The following ZNF229 variants were observed in gnomAD, a reference collection of about 807,000 sequenced individuals.
ZNF229 encodes the protein zinc finger protein 229.
Under a neutral mutation model 11.8 loss-of-function variants are expected in ZNF229, and 10 were observed. The observed-to-expected ratio is 0.85, with a 90% CI of 0.52 to 1.44. The LOEUF is 1.44. ZNF229 is among the 40% of genes most tolerant of loss of function. ZNF229 has a pLI of 0.00. For synonymous variants in ZNF229, 368 were observed against 374.8 expected, an observed-to-expected ratio of 0.98 and a Z score of 0.21; for missense variants, 1,045 against 1,015.1, an observed-to-expected ratio of 1.03 and a Z score of -0.40.
At chr19:44,435,972 A>G (rs1276896557) in intron 4 of ZNF229, among the ~76,000 whole-genome samples, 1 of 152,148 alleles carries the variant, frequency 6.6e-6, no homozygotes, top group Admixed American at 6.5e-5. Flanking sequence ...ACAAATAAAC[A>G]CTGAAGGGTA....
rs190344088 is a variant in ZNF229 at position 44,432,746 on chromosome 19, C to T, written c.94-380G>A. The stretch of plus-strand genomic sequence containing the variant: ...AGGAGATATACCTAATGCTAAATGA[C>T]GAGGTAATGGGTGCAGCACACCAAC... On this transcript the variant is annotated intron_variant, in intron 4 of 5. Transcript: ENST00000614049. Among the ~76,000 whole-genome samples, 71 of 151,770 alleles carry T rather than the reference C, an allele frequency of 4.7e-4. No homozygotes were observed. The East Asian group carries it at 0.01, about 22-fold the overall frequency.
intron 4 of ZNF229, among the ~76,000 whole-genome samples, chr19:44,434,452 C>A (rs1256464587): frequency 6.6e-6 from 1 of 152,028 alleles, no homozygotes; most frequent in Non-Finnish European, 1.5e-5. Flanking sequence ...CATTTTGAAC[C>A]AAGGAATTTC....
chr19:44,428,226 T>G lies in ZNF229; in HGVS notation c.*77A>C. On this transcript the variant is annotated 3_prime_UTR_variant, in exon 6 of 6. Transcript: ENST00000614049. ...CCTATAGCCCTCCTACATGTCACTT[T>G]CCTATGGTTTTTCTCCTGTGTTGGC... 5 of 1,479,770 alleles carry G rather than the reference T, an allele frequency of 3.4e-6. No homozygotes were observed. The highest frequency in any genetic ancestry group is 4.5e-6 in the Non-Finnish European group (5 of 1,099,384). 91.7% of individuals were successfully genotyped at this position (1,479,770 alleles called of 1,614,324 possible).
rs1441999742 is a variant in ZNF229 at position 44,428,402 on chromosome 19, C to T, written c.2379G>A (p.Glu793=). ...LHVHQRVHTG[E]KPYTCGVCGK... ...CACACACACCACACGTATAGGGCTTCTCTCCAGTGTGGACTCTCTGATGAA... is the reference window on the plus strand; with the variant it reads ...CACACACACCACACGTATAGGGCTTTTCTCCAGTGTGGACTCTCTGATGAA... Residue 793 remains glutamate, a synonymous_variant, in exon 6 of 6, where the codon GAG becomes GAA. Coordinates refer to ENST00000614049, the MANE Select transcript of ZNF229 (RefSeq NM_014518.4). 1.2e-6 allele frequency: 2 copies of T among 1,614,050 alleles called. No homozygotes were observed. Among genetic ancestry groups the T allele is most frequent in the Non-Finnish European group, 1.7e-6 (2 of 1,180,012 alleles).
chr19:44,428,486 C>T lies in ZNF229; in HGVS notation c.2295G>A (p.Glu765=), dbSNP rs371054111. 268 of 1,613,908 alleles carry T rather than the reference C, an allele frequency of 1.7e-4. No homozygotes were observed. Among genetic ancestry groups the T allele is most frequent in the Non-Finnish European group, 2.1e-4 (249 of 1,180,028 alleles). ...LQGHQRVHTG[E]KPYKCEECGK... is the part of the protein sequence containing the mutation. ...CACACTCCTCACATTTATAGGGTTT[C>T]TCACCAGTGTGGACCCTCTGATGAC... is the stretch of plus-strand genomic sequence containing the variant. Residue 765 remains glutamate, a synonymous_variant, in exon 6 of 6, where the codon GAG becomes GAA. Transcript: ENST00000614049.
rs1971573471 is a variant in ZNF229, at chr19:44,426,460, T to A, written c.*1843A>T. ...CTCTCCCACATCTTTTTTTCTCTGT[T>A]GCTCTAAACATACACACAGAAAAAC... On this transcript the variant is annotated 3_prime_UTR_variant, in exon 6 of 6. Coordinates refer to ENST00000614049, the MANE Select transcript of ZNF229 (RefSeq NM_014518.4). The A allele has an allele frequency of 6.6e-6, 1 of 152,170 alleles. No homozygotes were observed. The highest frequency in any genetic ancestry group is 1.5e-5 in the Non-Finnish European group (1 of 68,038). The allele number at this position is 152,170 out of a possible 1,614,324, so 9.4% of individuals were successfully genotyped here.
At chr19:44,433,372 T>C (rs1209967699) in intron 4 of ZNF229, among the ~76,000 whole-genome samples, 3 of 152,042 alleles carry the variant, frequency 2.0e-5, no homozygotes, top group Admixed American at 2.0e-4. Flanking sequence ...TGCCCACTGA[T>C]ATAGTTTGGG....
chr19:44,443,081 G>C, intron 2 of ZNF229, 57 bp from the exon 3 acceptor site: 1 of 594,196 alleles, frequency 1.7e-6, no homozygotes, highest in South Asian at 2.1e-5. Flanking sequence ...CAAGGCTGTG[G>C]TTCACATCCC....
Position 44,442,809 on chromosome 19 carries a change from G to A in ZNF229, c.34+5C>T, listed in dbSNP as rs1246960982. ...CCCCCACCCACCCCCTCTATTAGCTGTCACCTCTTTTCTCATGCCTTGAGG... is the reference window on the plus strand; with the variant it reads ...CCCCCACCCACCCCCTCTATTAGCTATCACCTCTTTTCTCATGCCTTGAGG... On this transcript the variant is annotated splice_donor_5th_base_variant and intron_variant, in intron 3 of 5. Coordinates refer to ENST00000614049, the MANE Select transcript of ZNF229 (RefSeq NM_014518.4). 1.3e-6 allele frequency: 2 copies of A among 1,553,806 alleles called. No individual in the cohort carries two copies. The highest frequency in any genetic ancestry group is 1.8e-6 in the Non-Finnish European group (2 of 1,139,386).
rs183336032 is a variant in ZNF229 at position 44,439,529 on chromosome 19, C to T, written c.93+3034G>A. Among the ~76,000 whole-genome samples the T allele has an allele frequency of 5.5e-4, 84 of 152,166 alleles. 1 individual carries two copies. Among genetic ancestry groups the T allele is most frequent in the African/African-American group, 2.0e-3 (82 of 41,498 alleles). ...CATGATCTCAGCTCACTGCAACCTC[C>T]GCCTCCCAGGTTCAAGCGATTCTTC... On this transcript the variant is annotated intron_variant, in intron 4 of 5. Transcript: ENST00000614049.
chr19:44,443,292 C>A (rs889520950), intron 2 of ZNF229, among the ~76,000 whole-genome samples: 2 of 152,072 alleles, frequency 1.3e-5, no homozygotes, highest in Admixed American at 6.5e-5. Flanking sequence ...CAGAGAGACC[C>A]CACAAATATA....
chr19:44,448,479 C>A (rs532852120), upstream of ZNF229: 9 of 152,250 alleles, frequency 5.9e-5, no homozygotes, highest in East Asian at 1.4e-3. Context: ...AGGTGACGCG[C>A]CCACCGGAAA....
At chr19:44,436,888 G>A (rs1971824581) in intron 4 of ZNF229, among the ~76,000 whole-genome samples, 2 of 151,804 alleles carry the variant, frequency 1.3e-5, no homozygotes, top group Non-Finnish European at 2.9e-5. Flanking sequence ...TTCTGTCTTT[G>A]TATTTGATAT....
At chr19:44,430,824 G>A (rs538466207) in intron 5 of ZNF229, among the ~76,000 whole-genome samples, 20 of 152,092 alleles carry the variant, frequency 1.3e-4, no homozygotes, top group Non-Finnish European at 1.0e-4. Flanking sequence ...TCACTTCTTC[G>A]CTTAATAATG....
chr19:44,430,159 T>A lies in ZNF229; in HGVS notation c.622A>T (p.Thr208Ser). ...TTACATTTATATACTGTGTCTTCTG[T>A]GTCGAGATTTTTACATCTTTCTTGA... is the stretch of plus-strand genomic sequence containing the variant. ...DVQERCKNLD[T>S]EDTVYKCNWD... Residue 208 changes from threonine (T) to serine (S), a missense_variant, in exon 6 of 6, where the codon ACA becomes TCA. Physicochemically the swap from Thr to Ser is moderately conservative, Grantham distance 58. Transcript: ENST00000614049. 2 of 1,614,124 alleles carry A rather than the reference T, an allele frequency of 1.2e-6. No individual in the cohort carries two copies. Among genetic ancestry groups the A allele is most frequent in the Non-Finnish European group, 1.7e-6 (2 of 1,180,034 alleles).
intron 4 of ZNF229, among the ~76,000 whole-genome samples, chr19:44,436,558 A>T (rs953961669): frequency 2.6e-5 from 4 of 152,048 alleles, no homozygotes; most frequent in African/African-American, 7.2e-5. Flanking sequence ...AGATGGGAGG[A>T]TCACTTGATT....
rs1235218166 is a variant in ZNF229 at position 44,429,042 on chromosome 19, C to G, written c.1739G>C (p.Gly580Ala). Residue 580 changes from glycine to alanine, a missense_variant, in exon 6 of 6, where the codon GGC (glycine) becomes GCC (alanine). Coordinates refer to ENST00000614049, the MANE Select transcript of ZNF229 (RefSeq NM_014518.4). ...GTGAAGGTCTGAATTCCGCCGGAAG[C>G]CCTTCCCACACTCACTGCATTTATA... ...KPYKCSECGK[G>A]FRRNSDLHSH... is the part of the protein sequence containing the mutation. The G allele has an allele frequency of 1.2e-6, 2 of 1,613,892 alleles. No individual in the cohort carries two copies. Among genetic ancestry groups the G allele is most frequent in the Admixed American group, 1.7e-5 (1 of 60,010 alleles).
intron 2 of ZNF229, among the ~76,000 whole-genome samples, chr19:44,444,514 AG>A (rs1350662224): frequency 1.3e-5 from 2 of 152,180 alleles, no homozygotes; most frequent in African/African-American, 4.8e-5. Context: ...CAAAGGACAA[AG>A]GGAAGAGTAG....
intron 2 of ZNF229, among the ~76,000 whole-genome samples, chr19:44,443,430 T>G (rs995809579): frequency 6.6e-6 from 1 of 152,184 alleles, no homozygotes; most frequent in Admixed American, 6.5e-5. Flanking sequence ...AGGATATAGA[T>G]TAGAGCCATC....
Sources: allele counts gnomAD v4.1 joint callset (sites outside exome capture counted in the v4.1 genomes callset), GRCh38; gene constraint gnomAD v4.1.1; transcripts MANE v1.5; gene names NCBI Gene and HGNC (gene_info 2026-07-23, HGNC 2026-07-21).